ABI3: variants seen among roughly 807,000 people sequenced by gnomAD.
ABI3 encodes the protein ABI gene family member 3.
ABI3 carries 24 observed loss-of-function variants against 37.0 expected under a neutral mutation model. That is an observed-to-expected ratio of 0.65 (90% confidence interval 0.47 to 0.91). ABI3 has a LOEUF of 0.91. Ranked by LOEUF, ABI3 falls within the 40% of genes least tolerant of loss-of-function variation. The probability of loss-of-function intolerance (pLI) is 0.00; values close to 1 mark genes in which losing one functional copy is unlikely to be tolerated. For missense variants in ABI3, 481 were observed against 485.1 expected, an observed-to-expected ratio of 0.99 and a Z score of 0.08; for synonymous variants, 220 against 211.8, an observed-to-expected ratio of 1.04 and a Z score of -0.34.
chr17:49,217,734 T>C lies in ABI3; in HGVS notation c.286-5T>C. ...CTCTCTGTCACCTTGAACCCTGTCA[T>C]GCAGATGGTGAACATGCATATGGAG... is the stretch of plus-strand genomic sequence containing the variant. On this transcript the variant is annotated splice_polypyrimidine_tract_variant and splice_region_variant and intron_variant, in intron 2 of 7. Transcript: ENST00000225941. 1.9e-6 allele frequency: 3 copies of C among 1,604,924 alleles called. No individual in the cohort carries two copies. Among genetic ancestry groups the C allele is most frequent in the Non-Finnish European group, 2.6e-6 (3 of 1,176,112 alleles).
rs575759177 is a variant in ABI3, at chr17:49,222,969, G to A, written c.*254G>A. Reference sequence around the variant, plus strand: ...AGGACCCCTACTCCATGCAGGACAGGGTCTCCTGCTGCAAGTCCCAACTTT... The same window carrying A: ...AGGACCCCTACTCCATGCAGGACAGAGTCTCCTGCTGCAAGTCCCAACTTT... On this transcript the variant is annotated 3_prime_UTR_variant, in exon 8 of 8. Coordinates refer to ENST00000225941, the MANE Select transcript of ABI3 (RefSeq NM_016428.3). The A allele has an allele frequency of 1.9e-6, 1 of 524,250 alleles. No homozygotes were observed. The highest frequency in any genetic ancestry group is 2.9e-5 in the East Asian group (1 of 34,300). The allele number at this position is 524,250 out of a possible 1,614,324, so 32.5% of individuals were successfully genotyped here. A position where few individuals can be genotyped will look rare whatever the true frequency, so the allele number is the denominator to read the frequency against.
chr17:49,220,714 C>T (rs1308013511), intron 6 of ABI3, among the ~76,000 whole-genome samples: 1 of 151,796 alleles, frequency 6.6e-6, no homozygotes, highest in African/African-American at 2.4e-5. Context: ...CGTGGTGGCG[C>T]AAGCCTGTAA....
At chr17:49,214,999 G>GA (rs1375230474) in intron 1 of ABI3, among the ~76,000 whole-genome samples, 2 of 151,874 alleles carry the variant, frequency 1.3e-5, no homozygotes, top group African/African-American at 4.8e-5. Context: ...CGTAGATAAC[G>GA]AAAAAAATAC....
Position 49,217,731 on chromosome 17 carries a change from TC to T in ABI3, c.286-7del, listed in dbSNP as rs778875179. 1 of 1,604,254 alleles carries T rather than the reference TC, an allele frequency of 6.2e-7. No individual in the cohort carries two copies. Among genetic ancestry groups the T allele is most frequent in the Non-Finnish European group, 8.5e-7 (1 of 1,175,826 alleles). On this transcript the variant is annotated splice_polypyrimidine_tract_variant and splice_region_variant and intron_variant, in intron 2 of 7. Transcript: ENST00000225941. ...CCCCTCTCTGTCACCTTGAACCCTG[TC>T]ATGCAGATGGTGAACATGCATATGG... is the stretch of plus-strand genomic sequence containing the variant.
In ABI3 at chr17:49,210,891, C is replaced by A; in HGVS notation, c.117+50C>A. The stretch of plus-strand genomic sequence containing the variant: ...ACACCCCAGCCCCCGGAGGGGGGAC[C>A]CTGAGCCCTGCCCCAAGTGGGGCCC... On this transcript the variant is annotated intron_variant, in intron 1 of 7. Transcript: ENST00000225941. This position sits in a 1 kb window ranked among gnomAD's most constrained non-coding sequence, Gnocchi z 4.2. 1 of 1,463,470 alleles carries A rather than the reference C, an allele frequency of 6.8e-7. No homozygotes were observed. The highest frequency in any genetic ancestry group is 9.3e-7 in the Non-Finnish European group (1 of 1,075,158). 90.7% of individuals were successfully genotyped at this position (1,463,470 alleles called of 1,614,324 possible). A position where few individuals can be genotyped will look rare whatever the true frequency, so the allele number is the denominator to read the frequency against.
At position 49,222,209 on chromosome 17, in the gene ABI3, C is replaced by T. The variant is rs781154941; in HGVS notation, c.921C>T (p.Ala307=). 6.2e-7 allele frequency: 1 copy of T among 1,613,334 alleles called. No homozygotes were observed. Among genetic ancestry groups the T allele is most frequent in the South Asian group, 1.1e-5 (1 of 90,952 alleles). ...CTGATGAGCCCAGCTGGGTGCCTGC[C>T]TCATACTTGGAGAAAGGTACCTGAC... ...FGPDEPSWVP[A]SYLEKVVTLY... is the part of the protein sequence containing the mutation. Residue 307 remains alanine (A), a synonymous_variant, in exon 7 of 8, where the codon GCC becomes GCT. Transcript: ENST00000225941.
intron 1 of ABI3, among the ~76,000 whole-genome samples, chr17:49,211,565 G>T (rs1459443870): frequency 2.0e-5 from 3 of 152,200 alleles, no homozygotes; most frequent in Non-Finnish European, 4.4e-5. Context: ...TGTGAGACAT[G>T]TATTATAATT....
rs2043260295 is a variant in ABI3 at position 49,219,733 on chromosome 17, C to T, written c.548+108C>T. Reference sequence around the variant, plus strand: ...CCCTGGCGCCCCCGGGTGCTCAGGCCGTCATGCTGGATGCCTGGCGCCAAA... The same window carrying T: ...CCCTGGCGCCCCCGGGTGCTCAGGCTGTCATGCTGGATGCCTGGCGCCAAA... On this transcript the variant is annotated intron_variant, in intron 4 of 7. Transcript: ENST00000225941. This position sits in a 1 kb window ranked among gnomAD's most constrained non-coding sequence, Gnocchi z 4.3. 2 of 1,412,870 alleles carry T rather than the reference C, an allele frequency of 1.4e-6. No homozygotes were observed. The highest frequency in any genetic ancestry group is 1.2e-5 in the South Asian group (1 of 80,180). 87.5% of individuals were successfully genotyped at this position (1,412,870 alleles called of 1,614,324 possible). A position where few individuals can be genotyped will look rare whatever the true frequency, so the allele number is the denominator to read the frequency against.
chr17:49,220,524 C>T (rs979004742), intron 6 of ABI3, among the ~76,000 whole-genome samples, 198 bp downstream of exon 6: 7 of 152,306 alleles, frequency 4.6e-5, no homozygotes, highest in Admixed American at 4.6e-4. Context: ...ACCCTGTGTT[C>T]GAAGATTCTC....
rs57445695 is a variant in ABI3 at position 49,218,608 on chromosome 17, A to ATTCTTTTTTTTTTTT, written c.462+695_462+696insCTTTTTTTTTTTTTT. On this transcript the variant is annotated intron_variant, in intron 3 of 7. Coordinates refer to ENST00000225941, the MANE Select transcript of ABI3 (RefSeq NM_016428.3). Reference sequence around the variant, plus strand: ...AGTAGTTCTCTGTTGTCCAACTTATATTTTTTTTTTTTGAGATGGAGTTTC... The same window carrying ATTCTTTTTTTTTTTT: ...AGTAGTTCTCTGTTGTCCAACTTATATTCTTTTTTTTTTTTTTTTTTTTTTTTGAGATGGAGTTTC... Among the ~76,000 whole-genome samples the ATTCTTTTTTTTTTTT allele has an allele frequency of 1.6e-4, 23 of 146,212 alleles. 1 individual carries two copies. Among genetic ancestry groups the ATTCTTTTTTTTTTTT allele is most frequent in the African/African-American group, 5.3e-4 (21 of 39,390 alleles).
chr17:49,215,395 G>A (rs937219768), intron 1 of ABI3, among the ~76,000 whole-genome samples: 1 of 152,112 alleles, frequency 6.6e-6, no homozygotes, highest in African/African-American at 2.4e-5. Context: ...CTATTAGAGG[G>A]AATGAATGAA....
At chr17:49,217,644 C>T (rs2043233932) in intron 2 of ABI3, 95 bp from the exon 3 acceptor site, 6 of 1,201,322 alleles carry the variant, frequency 5.0e-6, no homozygotes, top group Non-Finnish European at 6.8e-6. Context: ...TGGCTGCCTC[C>T]CCCCCCCAGC....
Position 49,219,443 on chromosome 17 carries a change from C to A in ABI3, c.463-97C>A. 1.8e-6 allele frequency: 2 copies of A among 1,108,996 alleles called. No homozygotes were observed. Among genetic ancestry groups the A allele is most frequent in the East Asian group, 2.6e-5 (1 of 38,056 alleles). 68.7% of individuals were successfully genotyped at this position (1,108,996 alleles called of 1,614,324 possible). ...ACTGGCTATGCCGGGCTCTCCCTCC[C>A]GGTTCCCGTCCGCCCCTCCTCCATT... is the stretch of plus-strand genomic sequence containing the variant. On this transcript the variant is annotated intron_variant, in intron 3 of 7. Transcript: ENST00000225941. This position sits in a 1 kb window ranked among gnomAD's most constrained non-coding sequence, Gnocchi z 4.3.
chr17:49,220,005 A>C, intron 5 of ABI3, 52 bp downstream of exon 5: 1 of 1,528,776 alleles, frequency 6.5e-7, no homozygotes, highest in Middle Eastern at 1.8e-4. Flanking sequence ...GTGGCTTTTG[A>C]GAGGGGCCAC....
intron 1 of ABI3, among the ~76,000 whole-genome samples, chr17:49,211,188 G>A (rs370206633): frequency 6.6e-6 from 1 of 152,182 alleles, no homozygotes; most frequent in Non-Finnish European, 1.5e-5. Context: ...AGATGCTGGC[G>A]ATCATTCTAT....
At chr17:49,212,958 C>G (rs1173871480) in intron 1 of ABI3, among the ~76,000 whole-genome samples, 1 of 152,222 alleles carries the variant, frequency 6.6e-6, no homozygotes, top group Non-Finnish European at 1.5e-5. Context: ...CCTCAAAGAG[C>G]TTCCACAGGG....
At chr17:49,216,208 C>A (rs530360473) in intron 1 of ABI3, among the ~76,000 whole-genome samples, 7 of 151,994 alleles carry the variant, frequency 4.6e-5, no homozygotes, top group Non-Finnish European at 7.4e-5. Context: ...AAAAGGACAG[C>A]CTGTTACTGA....
chr17:49,210,908 G>C lies in ABI3; in HGVS notation c.117+67G>C. ...GGGGGGACCCTGAGCCCTGCCCCAAGTGGGGCCCTGGGACCCATCCTGACA... is the reference window on the plus strand; with the variant it reads ...GGGGGGACCCTGAGCCCTGCCCCAACTGGGGCCCTGGGACCCATCCTGACA... On this transcript the variant is annotated intron_variant, in intron 1 of 7. Transcript: ENST00000225941. The surrounding 1 kb of genome is among the most constrained non-coding windows in gnomAD (Gnocchi z 4.2). 14 of 1,342,566 alleles carry C rather than the reference G, an allele frequency of 1.0e-5. No homozygotes were observed. The highest frequency in any genetic ancestry group is 1.4e-5 in the Non-Finnish European group (14 of 972,570). The allele number at this position is 1,342,566 out of a possible 1,614,324, so 83.2% of individuals were successfully genotyped here.
intron 1 of ABI3, among the ~76,000 whole-genome samples, chr17:49,213,567 AG>A (rs1277353304): frequency 6.6e-6 from 1 of 152,210 alleles, no homozygotes; most frequent in Non-Finnish European, 1.5e-5. Context: ...GTTCTCAGCC[AG>A]GGTTGACTGA....
Sources: gnomAD v4.1 joint callset for allele counts (sites outside exome capture counted in the v4.1 genomes callset) on GRCh38, gnomAD v4.1.1 for gene constraint, Gnocchi (gnomAD v3.1) non-coding constraint, MANE v1.5 for transcripts, NCBI Gene and HGNC (gene_info 2026-07-23, HGNC 2026-07-21) for gene names.